Variants in CENPW observed in about 807,000 individuals in gnomAD.
CENPW encodes the protein cancer-up-regulated gene 2 protein.
Under a neutral mutation model 11.1 loss-of-function variants are expected in CENPW, and 3 were observed. That is an observed-to-expected ratio of 0.27 (90% CI 0.12 to 0.70). The LOEUF (loss-of-function observed/expected upper bound fraction) is 0.70. Among genes scored for constraint, CENPW ranks in the 30% least tolerant of loss-of-function variants. The probability of loss-of-function intolerance (pLI) is 0.77; values close to 1 mark genes in which losing one functional copy is unlikely to be tolerated. For synonymous variants in CENPW, 38 were observed against 42.0 expected (o/e 0.91, Z 0.37); for missense variants, 100 against 105.6 (o/e 0.95, Z 0.23).
the CENPW span, among the ~76,000 whole-genome samples, chr6:126,447,058 A>G: frequency 6.6e-6 from 1 of 151,090 alleles, no homozygotes; most frequent in Non-Finnish European, 1.5e-5. Flanking sequence ...ACCTGCTGTT[A>G]TAGGGGGATG....
At chr6:126,483,123 C>A in the CENPW span, among the ~76,000 whole-genome samples, 3 of 151,882 alleles carry the variant, frequency 2.0e-5, no homozygotes, top group African/African-American at 7.2e-5. Context: ...AATTAAATTT[C>A]ATTTTTCAGT....
At chr6:126,418,538 T>G in the CENPW span, among the ~76,000 whole-genome samples, 3 of 152,092 alleles carry the variant, frequency 2.0e-5, no homozygotes, top group Non-Finnish European at 4.4e-5. Flanking sequence ...GGAAGTGAAA[T>G]TATTCTTTAT....
the CENPW span, among the ~76,000 whole-genome samples, chr6:126,458,220 G>GA: frequency 6.6e-6 from 1 of 151,202 alleles, no homozygotes; most frequent in Non-Finnish European, 1.5e-5. Context: ...ATGTACAGCT[G>GA]AATGTGGCTG....
the CENPW span, among the ~76,000 whole-genome samples, chr6:126,411,965 TCTC>T: frequency 6.1e-5 from 6 of 98,154 alleles, no homozygotes; most frequent in Admixed American, 1.3e-4. Context: ...TCCCTCTCTC[TCTC>T]CTTTCTCTCC....
the CENPW span, among the ~76,000 whole-genome samples, chr6:126,460,854 A>G: frequency 6.6e-6 from 1 of 151,824 alleles, no homozygotes; most frequent in Non-Finnish European, 1.5e-5. Flanking sequence ...AACAAGGCAG[A>G]CATAAAAGTT....
At chr6:126,342,564 G>A (rs1202593947) in intron 1 of CENPW, among the ~76,000 whole-genome samples, 2 of 151,812 alleles carry the variant, frequency 1.3e-5, no homozygotes, top group South Asian at 2.1e-4. Flanking sequence ...TTTTGTACAT[G>A]GTATTTCTTC....
At chr6:126,419,375 T>A in the CENPW span, among the ~76,000 whole-genome samples, 2 of 152,040 alleles carry the variant, frequency 1.3e-5, no homozygotes, top group Non-Finnish European at 2.9e-5. Context: ...AATGCAAAAT[T>A]TACACATGAT....
At chr6:126,454,853 T>A in the CENPW span, among the ~76,000 whole-genome samples, 22 of 149,858 alleles carry the variant, frequency 1.5e-4, no homozygotes, top group African/African-American at 4.1e-4. Context: ...AGAAAGAAGA[T>A]CCAAATAAAT....
chr6:126,440,257 A>G, the CENPW span, among the ~76,000 whole-genome samples: 47 of 151,736 alleles, frequency 3.1e-4, no homozygotes, highest in African/African-American at 1.1e-3. Context: ...CATAAGCAAT[A>G]TATAGTTTGT....
At chr6:126,451,661 A>G in the CENPW span, among the ~76,000 whole-genome samples, 1 of 150,912 alleles carries the variant, frequency 6.6e-6, no homozygotes, top group African/African-American at 2.4e-5. Context: ...TGGAGGCATG[A>G]CCTCCAAGAT....
chr6:126,471,646 C>G, the CENPW span, among the ~76,000 whole-genome samples: 1 of 152,000 alleles, frequency 6.6e-6, no homozygotes. Flanking sequence ...TAGAACTAAT[C>G]ATAAAAATAT....
chr6:126,363,037 A>G, the CENPW span, among the ~76,000 whole-genome samples: 63 of 152,184 alleles, frequency 4.1e-4, no homozygotes, highest in African/African-American at 1.5e-3. Flanking sequence ...GTTAGTCTCA[A>G]TTTGAAGATT....
At position 126,340,376 on chromosome 6, in the gene CENPW, C is replaced by A; in HGVS notation, c.103C>A (p.Leu35Met). The change falls in exon 1 of 3, where the codon CTG becomes ATG. Residue 35 changes from leucine to methionine, a missense_variant. Leu to Met is a conservative substitution (Grantham distance 15). Transcript: ENST00000368328. ...CAAGCGAAAGAAGCCTCAACTTCGT[C>A]TGGAGAAAAGTGGTGACTTATTGGT... ...VFKRKKPQLRLEKSGDLLVHL... is the reference protein window; with the variant it reads ...VFKRKKPQLRMEKSGDLLVHL... 1 of 1,614,152 alleles carries A rather than the reference C, an allele frequency of 6.2e-7. No homozygotes were observed.
the CENPW span, among the ~76,000 whole-genome samples, chr6:126,369,128 T>C: frequency 2.0e-5 from 3 of 152,034 alleles, no homozygotes; most frequent in African/African-American, 7.2e-5. Flanking sequence ...TTTTTATGGC[T>C]GAGTAGTATT....
the CENPW span, among the ~76,000 whole-genome samples, chr6:126,433,888 A>G: frequency 1.3e-5 from 2 of 152,076 alleles, no homozygotes; most frequent in South Asian, 2.1e-4. Flanking sequence ...ATCCTTTGCT[A>G]TTTTGGAAGT....
the CENPW span, among the ~76,000 whole-genome samples, chr6:126,409,911 A>C: frequency 1.3e-5 from 2 of 151,848 alleles, no homozygotes. Flanking sequence ...TTTATATATA[A>C]ATTATTATTT....
the CENPW span, among the ~76,000 whole-genome samples, chr6:126,422,731 G>A: frequency 6.6e-6 from 1 of 151,966 alleles, no homozygotes; most frequent in Admixed American, 6.6e-5. Flanking sequence ...GAGGAAGTAG[G>A]GACTATTATA....
chr6:126,384,517 G>A, the CENPW span, among the ~76,000 whole-genome samples: 2 of 152,044 alleles, frequency 1.3e-5, no homozygotes, highest in Non-Finnish European at 2.9e-5. Context: ...ACAAAAACAA[G>A]CAATGGGAAA....
At chr6:126,416,119 C>T in the CENPW span, among the ~76,000 whole-genome samples, 1 of 152,068 alleles carries the variant, frequency 6.6e-6, no homozygotes, top group East Asian at 1.9e-4. Context: ...GAGGTGGTCT[C>T]AGATGGAAAT....
Sources: gnomAD v4.1 joint callset for allele counts (sites outside exome capture counted in the v4.1 genomes callset) on GRCh38, gnomAD v4.1.1 for gene constraint, MANE v1.5 for transcripts, NCBI Gene and HGNC (gene_info 2026-07-23, HGNC 2026-07-21) for gene names.